Variants in SEC11C observed in about 807,000 individuals in gnomAD.
SEC11C encodes the protein SEC11 homolog C, signal peptidase complex subunit.
A neutral mutation model predicts 21.9 loss-of-function variants in SEC11C; 10 were observed. The observed-to-expected ratio is 0.46, with a 90% confidence interval of 0.28 to 0.77. SEC11C has a LOEUF of 0.77. Among genes scored for constraint, SEC11C ranks in the 30% least tolerant of loss-of-function variants. The pLI is 0.12. For missense variants in SEC11C, 145 were observed against 244.5 expected, an observed-to-expected ratio of 0.59 and a Z score of 2.71; for synonymous variants, 83 against 85.6, an observed-to-expected ratio of 0.97 and a Z score of 0.17.
intron 1 of SEC11C, among the ~76,000 whole-genome samples, chr18:59,142,846 G>A (rs1187472064): frequency 2.0e-5 from 3 of 152,198 alleles, no homozygotes; most frequent in Admixed American, 6.5e-5. Flanking sequence ...ATTGGGTACA[G>A]TGTACACTGC....
chr18:59,146,156 T>C (rs188102646), intron 1 of SEC11C, among the ~76,000 whole-genome samples: 1 of 152,140 alleles, frequency 6.6e-6, no homozygotes, highest in East Asian at 1.9e-4. Flanking sequence ...GGTGATATGA[T>C]GAGAGTGGCA....
chr18:59,140,166 C>G, intron 1 of SEC11C, 131 bp downstream of exon 1: 1 of 728,622 alleles, frequency 1.4e-6, no homozygotes, highest in Non-Finnish European at 2.2e-6. Flanking sequence ...CCGCGCTGGG[C>G]TCTCAGGCCC....
chr18:59,150,479 A>G lies in SEC11C; in HGVS notation c.197+857A>G, dbSNP rs111566002. Among the ~76,000 whole-genome samples the G allele has an allele frequency of 6.1e-4, 93 of 152,300 alleles. 1 individual carries two copies. Among genetic ancestry groups the G allele is most frequent in the African/African-American group, 2.2e-3 (92 of 41,576 alleles). On this transcript the variant is annotated intron_variant, in intron 2 of 5. Coordinates refer to ENST00000587834, the MANE Select transcript of SEC11C (RefSeq NM_033280.4). ...GTGGTTGGCCAAGGGGCACACTTCT[A>G]GAGATCGCGTTTTCATGAATTTAGA...
rs563677785 is a variant in SEC11C, at chr18:59,158,658, A to C, written c.552A>C (p.Ala184=). 2 of 1,613,974 alleles carry C rather than the reference A, an allele frequency of 1.2e-6. No individual in the cohort carries two copies. Among genetic ancestry groups the C allele is most frequent in the Admixed American group, 3.3e-5 (2 of 60,026 alleles). The stretch of plus-strand genomic sequence containing the variant: ...ATGCTCTTTTGGCTGTAATGGGTGC[A>C]TATGTGTTACTAAAACGTGAATCCT... ...FKYALLAVMG[A]YVLLKRES Residue 184 remains alanine (A), a synonymous_variant, in exon 6 of 6, where the codon GCA becomes GCC. Transcript: ENST00000587834.
At chr18:59,155,985 A>G (rs1191233810) in intron 4 of SEC11C, 178 bp downstream of exon 4, 2 of 639,018 alleles carry the variant, frequency 3.1e-6, no homozygotes, top group Admixed American at 6.4e-5. Flanking sequence ...AAGACCTAAA[A>G]TCTAAAACTG....
chr18:59,153,176 T>TCTGCA (rs1433729814), intron 3 of SEC11C: 1 of 152,504 alleles, frequency 6.6e-6, no homozygotes, highest in Non-Finnish European at 1.5e-5. Context: ...CGTTGCATAT[T>TCTGCA]CTGCATTACT....
chr18:59,155,631 T>C, intron 3 of SEC11C, 57 bp from the exon 4 acceptor site: 1 of 1,569,602 alleles, frequency 6.4e-7, no homozygotes, highest in South Asian at 1.2e-5. Context: ...ACTAATATTT[T>C]TGTTAATGAT....
chr18:59,151,967 G>A (rs1393478796), intron 2 of SEC11C, among the ~76,000 whole-genome samples: 1 of 152,188 alleles, frequency 6.6e-6, no homozygotes. Context: ...GTCAATGTTT[G>A]TTAGAATTGG....
intron 1 of SEC11C, among the ~76,000 whole-genome samples, chr18:59,142,771 TTTGA>T (rs2069226701): frequency 6.6e-6 from 1 of 152,254 alleles, no homozygotes; most frequent in Admixed American, 6.5e-5. Flanking sequence ...GTGTAAAGGC[TTTGA>T]TTGTTTCATG....
intron 1 of SEC11C, among the ~76,000 whole-genome samples, chr18:59,145,114 T>G (rs1256418412): frequency 2.6e-5 from 4 of 152,252 alleles, no homozygotes; most frequent in Non-Finnish European, 5.9e-5. Context: ...ATGATGCTGA[T>G]GAACGATACA....
chr18:59,146,453 A>G, intron 1 of SEC11C, among the ~76,000 whole-genome samples: 1 of 152,214 alleles, frequency 6.6e-6, no homozygotes, highest in South Asian at 2.1e-4. Flanking sequence ...ATTCAGGTAG[A>G]GGAGGAGATT....
intron 3 of SEC11C, among the ~76,000 whole-genome samples, chr18:59,154,142 C>T (rs1232799515): frequency 2.0e-5 from 3 of 152,194 alleles, no homozygotes; most frequent in East Asian, 3.8e-4. Context: ...TTGATGCCTA[C>T]CTGTTAGATT....
intron 4 of SEC11C, chr18:59,156,671 C>T (rs775411268): frequency 6.6e-6 from 1 of 151,744 alleles, no homozygotes; most frequent in Non-Finnish European, 1.5e-5. Context: ...TCTTGGCAAC[C>T]CTTTTTATGT....
At chr18:59,157,456 T>G (rs2144046605) in intron 4 of SEC11C, 152 bp from the exon 5 acceptor site, 1 of 609,714 alleles carries the variant, frequency 1.6e-6, no homozygotes, top group Non-Finnish European at 2.9e-6. Context: ...TAAAGCTGTT[T>G]GAGACAGGGC....
At chr18:59,157,273 CT>C (rs1369739742) in intron 4 of SEC11C, 4 of 211,764 alleles carry the variant, frequency 1.9e-5, no homozygotes, top group Non-Finnish European at 3.7e-5. Flanking sequence ...TATGGGCTAT[CT>C]GAATCTTATC....
chr18:59,150,113 T>C (rs1171337247), intron 2 of SEC11C, among the ~76,000 whole-genome samples: 1 of 152,194 alleles, frequency 6.6e-6, no homozygotes, highest in Non-Finnish European at 1.5e-5. Context: ...GCATGTTTAT[T>C]TTAGAAAAGT....
chr18:59,141,780 A>G (rs1003838398), intron 1 of SEC11C, among the ~76,000 whole-genome samples: 1 of 151,840 alleles, frequency 6.6e-6, no homozygotes, highest in Admixed American at 6.6e-5. Context: ...CCTGCTTACT[A>G]TTAAAGCAGG....
At chr18:59,155,344 C>T (rs2069407123) in intron 3 of SEC11C, among the ~76,000 whole-genome samples, 1 of 152,214 alleles carries the variant, frequency 6.6e-6, no homozygotes, top group Non-Finnish European at 1.5e-5. Context: ...TAAAAAATGT[C>T]AGGTCCTAGT....
intron 2 of SEC11C, among the ~76,000 whole-genome samples, chr18:59,150,386 T>A (rs1184967120): frequency 6.6e-6 from 1 of 152,212 alleles, no homozygotes; most frequent in African/African-American, 2.4e-5. Flanking sequence ...GCCCTTTCCC[T>A]CCACCAGGCG....
Sources: allele counts gnomAD v4.1 joint callset (sites outside exome capture counted in the v4.1 genomes callset), GRCh38; gene constraint gnomAD v4.1.1; transcripts MANE v1.5; gene names NCBI Gene and HGNC (gene_info 2026-07-23, HGNC 2026-07-21).